MPP7: variants seen among roughly 807,000 people sequenced by gnomAD.
MPP7 encodes the protein MAGUK p55 scaffold protein 7, also known as MAGUK p55 subfamily member 7.
In MPP7, 60 loss-of-function variants were observed where a neutral mutation model predicts 76.5. That is an observed-to-expected ratio of 0.78 (90% CI 0.64 to 0.97). The LOEUF is 0.97. Among genes scored for constraint, MPP7 ranks in the 50% least tolerant of loss-of-function variants. The probability of loss-of-function intolerance (pLI) is 0.00; values close to 1 mark genes in which losing one functional copy is unlikely to be tolerated. For synonymous variants in MPP7, 237 were observed against 244.5 expected, an observed-to-expected ratio of 0.97 and a Z score of 0.29; for missense variants, 641 against 694.0, an observed-to-expected ratio of 0.92 and a Z score of 0.86.
At chr10:28,095,162 A>G (rs1294456252) in intron 11 of MPP7, among the ~76,000 whole-genome samples, 1 of 146,736 alleles carries the variant, frequency 6.8e-6, no homozygotes, top group Non-Finnish European at 1.5e-5. Flanking sequence ...ATATTTACAT[A>G]CACACATATC....
At chr10:28,101,013 T>G (rs1853801040) in intron 11 of MPP7, among the ~76,000 whole-genome samples, 1 of 152,130 alleles carries the variant, frequency 6.6e-6, no homozygotes, top group Non-Finnish European at 1.5e-5. Flanking sequence ...TGTAAAATTG[T>G]ATATAAAAAT....
chr10:28,251,868 GCAACA>G (rs1231692622), intron 1 of MPP7, among the ~76,000 whole-genome samples: 4 of 152,138 alleles, frequency 2.6e-5, no homozygotes, highest in African/African-American at 4.8e-5. Context: ...ACCAGCCTGA[GCAACA>G]CAGTAATGAC....
chr10:28,277,346 T>C (rs1840532969), intron 1 of MPP7, among the ~76,000 whole-genome samples: 1 of 149,894 alleles, frequency 6.7e-6, no homozygotes, highest in African/African-American at 2.5e-5. Flanking sequence ...ACACTAATAC[T>C]AATGATAGCT....
intron 1 of MPP7, among the ~76,000 whole-genome samples, chr10:28,290,881 GT>G (rs912506128): frequency 5.3e-5 from 8 of 152,184 alleles, no homozygotes; most frequent in African/African-American, 1.9e-4. Flanking sequence ...GAATTGAACT[GT>G]TTTTATTTGA....
At chr10:28,088,586 C>G (rs4399242) in intron 12 of MPP7, among the ~76,000 whole-genome samples, 51,224 of 151,970 alleles carry the variant, frequency 0.34, 11,780 homozygotes, top group East Asian at 0.95. Flanking sequence ...TCAATTAAAC[C>G]TCTTTTCTTC....
intron 6 of MPP7, among the ~76,000 whole-genome samples, chr10:28,129,976 TTGCCCCTTAAG>T (rs1296802371): frequency 6.6e-6 from 1 of 152,170 alleles, no homozygotes; most frequent in Non-Finnish European, 1.5e-5. Flanking sequence ...TCAAGGGATC[TTGCCCCTTAAG>T]TAATTACCCT....
chr10:28,071,588 T>A (rs1264293214), intron 12 of MPP7, among the ~76,000 whole-genome samples: 1 of 152,118 alleles, frequency 6.6e-6, no homozygotes, highest in East Asian at 1.9e-4. Context: ...ATATAACTTA[T>A]CGACATAATT....
intron 1 of MPP7, among the ~76,000 whole-genome samples, chr10:28,330,165 G>A (rs1834458400): frequency 6.6e-6 from 1 of 152,164 alleles, no homozygotes; most frequent in South Asian, 2.1e-4. Flanking sequence ...CCTTATATCA[G>A]CTGAGCTTCC....
intron 14 of MPP7, 112 bp from the exon 15 acceptor site, chr10:28,058,715 C>T (rs1214195539): frequency 7.6e-6 from 4 of 524,064 alleles, no homozygotes; most frequent in Admixed American, 3.4e-5. Context: ...TTTTTTTAAA[C>T]TGTGTTTAAT....
At position 28,059,710 on chromosome 10, in the gene MPP7, T is replaced by A. The variant is rs1201695343; in HGVS notation, c.1238A>T (p.Asp413Val). The change falls in exon 14 of 17, where the codon GAT (aspartate) becomes GTT (valine). Residue 413 changes from aspartate (D) to valine (V), a missense_variant. Physicochemically the swap from Asp to Val is radical, Grantham distance 152. Transcript: ENST00000683449. ...GGAAATGAAAATGTATTCAACACCA[T>A]CACTCTCCTGGCTTCTTCTTGCTCT... is the stretch of plus-strand genomic sequence containing the variant. ...TTRARRSQES[D>V]GVEYIFISKH... The A allele has an allele frequency of 6.2e-7, 1 of 1,613,410 alleles. No individual in the cohort carries two copies. The highest frequency in any genetic ancestry group is 8.5e-7 in the Non-Finnish European group (1 of 1,179,644).
intron 2 of MPP7, among the ~76,000 whole-genome samples, chr10:28,311,759 T>TACAC (rs112717112): frequency 0.067 from 9,993 of 148,638 alleles, 379 homozygotes; most frequent in Middle Eastern, 0.082. Context: ...GATGTGTTAA[T>TACAC]ACACACACAC....
chr10:28,234,972 C>T lies in MPP7; in HGVS notation c.37+3596G>A, dbSNP rs551126402. Among the ~76,000 whole-genome samples, 6 of 152,224 alleles carry T rather than the reference C, an allele frequency of 3.9e-5. No individual in the cohort carries two copies. In the South Asian group the frequency reaches 1.2e-3, roughly 32 times the overall value. ...ACTATAGGCACATGCCACTATGGCC[C>T]TAATTTTTTGTATTTTTAGTAGAGA... is the stretch of plus-strand genomic sequence containing the variant. On this transcript the variant is annotated intron_variant, in intron 2 of 16. Transcript: ENST00000683449.
intron 3 of MPP7, among the ~76,000 whole-genome samples, chr10:28,199,153 T>C (rs746942583): frequency 6.6e-6 from 1 of 151,958 alleles, no homozygotes; most frequent in African/African-American, 2.4e-5. Context: ...TTCACTACCA[T>C]GAGAAGAGTA....
At chr10:28,145,149 G>A (rs954291396) in intron 5 of MPP7, among the ~76,000 whole-genome samples, 1 of 152,022 alleles carries the variant, frequency 6.6e-6, no homozygotes, top group Non-Finnish European at 1.5e-5. Context: ...TTCTGACCTC[G>A]TGATCCGCCC....
Position 28,211,492 on chromosome 10 carries a change from A to G in MPP7, c.38-9221T>C, listed in dbSNP as rs1162182556. Among the ~76,000 whole-genome samples the G allele has an allele frequency of 2.0e-5, 3 of 152,018 alleles. No homozygotes were observed. In the South Asian group the frequency reaches 6.2e-4, roughly 32 times the overall value. ...AGAGAGAGAGAATTACTGTAAAACT[A>G]AAGTCATGTTTTCTATCAGAATATT... is the stretch of plus-strand genomic sequence containing the variant. On this transcript the variant is annotated intron_variant, in intron 2 of 16. Transcript: ENST00000683449.
At chr10:28,079,662 T>C (rs1013555945) in intron 12 of MPP7, among the ~76,000 whole-genome samples, 1 of 152,226 alleles carries the variant, frequency 6.6e-6, no homozygotes, top group Admixed American at 6.5e-5. Flanking sequence ...AACCTGTTAA[T>C]GGCCATGGTC....
intron 1 of MPP7, among the ~76,000 whole-genome samples, chr10:28,256,652 T>A (rs1839796174): frequency 6.6e-6 from 1 of 152,222 alleles, no homozygotes; most frequent in African/African-American, 2.4e-5. Context: ...CCTTTCTTAT[T>A]TCACAATGAG....
At chr10:28,226,629 A>G (rs1838700650) in intron 2 of MPP7, among the ~76,000 whole-genome samples, 1 of 152,080 alleles carries the variant, frequency 6.6e-6, no homozygotes, top group South Asian at 2.1e-4. Flanking sequence ...GATGATCATA[A>G]AACATTTTGA....
At chr10:28,201,677 T>C (rs1461769557) in intron 3 of MPP7, among the ~76,000 whole-genome samples, 1 of 152,166 alleles carries the variant, frequency 6.6e-6, no homozygotes, top group Non-Finnish European at 1.5e-5. Flanking sequence ...ATATACAAAA[T>C]ACCACTTCAA....
Sources: gnomAD v4.1 joint callset for allele counts (sites outside exome capture counted in the v4.1 genomes callset) on GRCh38, gnomAD v4.1.1 for gene constraint, MANE v1.5 for transcripts, NCBI Gene and HGNC (gene_info 2026-07-23, HGNC 2026-07-21) for gene names.